CD1B: variants seen among roughly 807,000 people sequenced by gnomAD.
CD1B encodes T-cell surface glycoprotein CD1b.
Under a neutral mutation model 39.8 loss-of-function variants are expected in CD1B, and 43 were observed. The ratio of observed to expected loss-of-function variants is 1.08; its 90% CI spans 0.85 to 1.39. The LOEUF is 1.39. Ranked by LOEUF, CD1B falls within the 40% of genes most tolerant of loss-of-function variation. The pLI is 0.00. For missense variants in CD1B, 495 were observed against 403.8 expected, an observed-to-expected ratio of 1.23 and a Z score of -1.94; for synonymous variants, 192 against 152.5, an observed-to-expected ratio of 1.26 and a Z score of -1.91.
the CD1B span, among the ~76,000 whole-genome samples, chr1:158,302,764 A>G: frequency 6.6e-6 from 1 of 152,210 alleles, no homozygotes; most frequent in Admixed American, 6.5e-5. Context: ...CAGATCAATA[A>G]TGAGTTCCAG....
chr1:158,330,756 A>G (rs1652565881), intron 2 of CD1B, 40 bp downstream of exon 2: 7 of 1,601,436 alleles, frequency 4.4e-6, no homozygotes, highest in Non-Finnish European at 6.0e-6. Flanking sequence ...GAGAAAAGAG[A>G]GTCCTTGAGA....
the CD1B span, among the ~76,000 whole-genome samples, chr1:158,316,839 C>T: frequency 6.6e-6 from 1 of 151,848 alleles, no homozygotes; most frequent in African/African-American, 2.4e-5. Context: ...CCCATCAATA[C>T]CTAATTTATT....
chr1:158,329,733 C>T (rs565373152), intron 3 of CD1B, 85 bp from the exon 4 acceptor site: 140 of 1,564,246 alleles, frequency 8.9e-5, no homozygotes, highest in East Asian at 1.1e-4. Context: ...GCTTGGACAG[C>T]GACCCCATTC....
chr1:158,305,362 G>A, the CD1B span, among the ~76,000 whole-genome samples: 9 of 152,204 alleles, frequency 5.9e-5, no homozygotes, highest in Non-Finnish European at 1.0e-4. Flanking sequence ...TGAATGAAAC[G>A]AAGTGAGAAG....
chr1:158,315,793 C>T, the CD1B span, among the ~76,000 whole-genome samples: 1 of 152,018 alleles, frequency 6.6e-6, no homozygotes, highest in African/African-American at 2.4e-5. Flanking sequence ...GGTTTTAGCT[C>T]TAACGTTTAA....
chr1:158,305,166 C>T, the CD1B span, among the ~76,000 whole-genome samples: 58 of 151,962 alleles, frequency 3.8e-4, no homozygotes, highest in African/African-American at 1.0e-3. Flanking sequence ...TCGAACTCAT[C>T]GCAAAGAAGT....
At chr1:158,321,144 C>T in the CD1B span, among the ~76,000 whole-genome samples, 5 of 152,166 alleles carry the variant, frequency 3.3e-5, no homozygotes, top group Middle Eastern at 3.2e-3. Context: ...CTATATCTCC[C>T]TGTAGGCCTA....
the CD1B span, among the ~76,000 whole-genome samples, chr1:158,312,943 C>T: frequency 2.6e-5 from 4 of 152,072 alleles, no homozygotes; most frequent in Non-Finnish European, 5.9e-5. Context: ...AGAGAAATTT[C>T]TTTCATCTTT....
At chr1:158,302,831 C>T in the CD1B span, among the ~76,000 whole-genome samples, 1 of 152,070 alleles carries the variant, frequency 6.6e-6, no homozygotes, top group Non-Finnish European at 1.5e-5. Flanking sequence ...ACAGAGAGAT[C>T]CATGGCTGAA....
chr1:158,294,563 G>A, the CD1B span, among the ~76,000 whole-genome samples: 1 of 152,036 alleles, frequency 6.6e-6, no homozygotes, highest in Non-Finnish European at 1.5e-5. Flanking sequence ...ATCTTTAAGT[G>A]TACAGTTCTA....
At chr1:158,300,877 G>C in the CD1B span, among the ~76,000 whole-genome samples, 5 of 150,300 alleles carry the variant, frequency 3.3e-5, no homozygotes, top group Non-Finnish European at 7.4e-5. Context: ...TCCTGCTTGA[G>C]CCTCCTGAGT....
the CD1B span, among the ~76,000 whole-genome samples, chr1:158,302,684 A>C: frequency 1.3e-5 from 2 of 152,178 alleles, no homozygotes; most frequent in Non-Finnish European, 2.9e-5. Flanking sequence ...TATGAAACCT[A>C]GAAGAAATGG....
chr1:158,328,058 T>G lies in CD1B; in HGVS notation c.*178A>C. 1.7e-6 allele frequency: 1 copy of G among 576,900 alleles called. No homozygotes were observed. Among genetic ancestry groups the G allele is most frequent in the Non-Finnish European group, 3.1e-6 (1 of 324,338 alleles). 35.7% of individuals were successfully genotyped at this position (576,900 alleles called of 1,614,324 possible). On this transcript the variant is annotated 3_prime_UTR_variant, in exon 6 of 6. Transcript: ENST00000368168. ...ACTGTTAGTACAGTCTCATAATAAA[T>G]TTACAGTTTTAAGTACTTTTTTGCT...
chr1:158,329,213 T>A (rs1652479748), intron 4 of CD1B, among the ~76,000 whole-genome samples, 157 bp downstream of exon 4: 1 of 152,142 alleles, frequency 6.6e-6, no homozygotes, highest in Non-Finnish European at 1.5e-5. Context: ...ATAACTTGGA[T>A]TATCTATTTT....
the CD1B span, among the ~76,000 whole-genome samples, chr1:158,296,532 AAGTC>A: frequency 6.6e-6 from 1 of 152,226 alleles, no homozygotes; most frequent in Non-Finnish European, 1.5e-5. Flanking sequence ...GCAGCTCTAA[AAGTC>A]AGAGTGTCTT....
chr1:158,292,238 TG>T, the CD1B span: 4 of 1,614,146 alleles, frequency 2.5e-6, no homozygotes, highest in Non-Finnish European at 3.4e-6. Flanking sequence ...TGGCCCAAAG[TG>T]TCTGTCATCT....
the CD1B span, chr1:158,291,261 C>A: frequency 2.5e-6 from 4 of 1,614,120 alleles, no homozygotes; most frequent in Non-Finnish European, 3.4e-6. Context: ...GTGAATCAGG[C>A]ACAATAATTT....
the CD1B span, among the ~76,000 whole-genome samples, chr1:158,311,341 AATC>A: frequency 6.6e-6 from 1 of 152,250 alleles, no homozygotes; most frequent in South Asian, 2.1e-4. Flanking sequence ...AGAGTTGTCT[AATC>A]AGGTCTTTTG....
the CD1B span, among the ~76,000 whole-genome samples, chr1:158,301,936 T>C: frequency 6.7e-6 from 1 of 148,396 alleles, no homozygotes; most frequent in Non-Finnish European, 1.5e-5. Context: ...CAAACATAGA[T>C]TTTTTTCTTT....
Sources: allele counts gnomAD v4.1 joint callset (sites outside exome capture counted in the v4.1 genomes callset), GRCh38; gene constraint gnomAD v4.1.1; transcripts MANE v1.5; gene names NCBI Gene and HGNC (gene_info 2026-07-23, HGNC 2026-07-21).